ARHGEF10: variants seen among roughly 807,000 people sequenced by gnomAD.
ARHGEF10 encodes the protein Rho guanine nucleotide exchange factor 10.
Under a neutral mutation model 147.4 loss-of-function variants are expected in ARHGEF10, and 140 were observed. That is an observed-to-expected ratio of 0.95 (90% CI 0.83 to 1.09). The LOEUF is 1.09. Ranked by LOEUF, ARHGEF10 falls within the 50% of genes least tolerant of loss-of-function variation. ARHGEF10 has a pLI of 0.00. For synonymous variants in ARHGEF10, 902 were observed against 695.8 expected (o/e 1.30, Z -4.67); for missense variants, 2,222 against 1,752.7 (o/e 1.27, Z -4.78).
upstream of ARHGEF10, among the ~76,000 whole-genome samples, chr8:1,823,749 G>A (rs898766806): frequency 1.3e-5 from 2 of 151,844 alleles, no homozygotes; most frequent in Non-Finnish European, 2.9e-5. Flanking sequence ...TGCGCAGCCT[G>A]GGCCGGGCGT....
At chr8:1,897,303 G>A (rs1411779016) in intron 14 of ARHGEF10, among the ~76,000 whole-genome samples, 1 of 152,242 alleles carries the variant, frequency 6.6e-6, no homozygotes, top group Admixed American at 6.5e-5. Flanking sequence ...CTGGAGCACA[G>A]TCTGTGGCCC....
At chr8:1,842,278 C>T (rs1034948675) in intron 1 of ARHGEF10, among the ~76,000 whole-genome samples, 1 of 152,040 alleles carries the variant, frequency 6.6e-6, no homozygotes, top group African/African-American at 2.4e-5. Flanking sequence ...GTCCCACTGC[C>T]ATCCTCATTG....
chr8:1,862,644 C>G (rs1806226904), intron 4 of ARHGEF10, among the ~76,000 whole-genome samples: 1 of 152,234 alleles, frequency 6.6e-6, no homozygotes, highest in Non-Finnish European at 1.5e-5. Flanking sequence ...CCTGGACACC[C>G]CCGTGGGGGA....
rs889848524 is a variant in ARHGEF10 at position 1,888,848 on chromosome 8, G to T, written c.1182+3141G>T. 2.2e-3 allele frequency among the ~76,000 whole-genome samples: 154 copies of T among 70,216 alleles called. 12 individuals carry two copies. The highest frequency in any genetic ancestry group is 5.3e-3 in the South Asian group (8 of 1,514). The allele number at this position is 70,216 out of a possible 152,430, so 46.1% of individuals were successfully genotyped here. ...ATGAGGAGACACTGAATAGGGTGAG[G>T]TTTGTGAGGAGACACTGAGTGGGGT... On this transcript the variant is annotated intron_variant, in intron 11 of 28. Coordinates refer to ENST00000349830, the MANE Select transcript of ARHGEF10 (RefSeq NM_014629.4).
chr8:1,876,809 A>T, intron 8 of ARHGEF10, 75 bp downstream of exon 8: 1 of 1,497,812 alleles, frequency 6.7e-7, no homozygotes, highest in African/African-American at 1.4e-5. Context: ...TATGATTGTG[A>T]TCCACCTAGT....
intron 18 of ARHGEF10, among the ~76,000 whole-genome samples, chr8:1,911,224 C>T (rs1023339028): frequency 2.0e-5 from 3 of 152,070 alleles, no homozygotes; most frequent in African/African-American, 7.2e-5. Context: ...TGTTATATCT[C>T]CAGTTAAGGG....
At chr8:1,827,463 C>T (rs919372665) in intron 1 of ARHGEF10, among the ~76,000 whole-genome samples, 2 of 152,128 alleles carry the variant, frequency 1.3e-5, no homozygotes, top group African/African-American at 2.4e-5. Flanking sequence ...CACCCACCAC[C>T]GTGCCCGGCT....
chr8:1,876,825 A>C, intron 8 of ARHGEF10, 91 bp downstream of exon 8: 1 of 1,415,922 alleles, frequency 7.1e-7, no homozygotes, highest in Non-Finnish European at 1.0e-6. Context: ...CTAGTACTTC[A>C]TAGTGATTTG....
At chr8:1,890,542 G>C (rs764222655) in intron 11 of ARHGEF10, among the ~76,000 whole-genome samples, 1 of 151,114 alleles carries the variant, frequency 6.6e-6, no homozygotes, top group Non-Finnish European at 1.5e-5. Flanking sequence ...AGGAGACACT[G>C]AGTGGGGTGA....
Position 1,894,079 on chromosome 8 carries a change from C to T in ARHGEF10, c.1261-314C>T, listed in dbSNP as rs367655018. Among the ~76,000 whole-genome samples the T allele has an allele frequency of 2.1e-3, 317 of 150,296 alleles. 1 individual carries two copies. Among genetic ancestry groups the T allele is most frequent in the African/African-American group, 6.8e-3 (279 of 40,808 alleles). On this transcript the variant is annotated intron_variant, in intron 12 of 28. Coordinates refer to ENST00000349830, the MANE Select transcript of ARHGEF10 (RefSeq NM_014629.4). Reference sequence around the variant, plus strand: ...GTCCCAGCTACTCGGGAGGCTGAGGCAGGAGAATTGCTTGAACCCGGGAGG... The same window carrying T: ...GTCCCAGCTACTCGGGAGGCTGAGGTAGGAGAATTGCTTGAACCCGGGAGG...
At chr8:1,942,204 C>T (rs1814151301) in intron 26 of ARHGEF10, among the ~76,000 whole-genome samples, 3 of 149,372 alleles carry the variant, frequency 2.0e-5, no homozygotes, top group Non-Finnish European at 1.5e-5. Context: ...GGAGAAAATA[C>T]GTACAGCTCA....
chr8:1,928,734 C>G, intron 24 of ARHGEF10, 84 bp downstream of exon 24: 1 of 1,485,946 alleles, frequency 6.7e-7, no homozygotes, highest in East Asian at 2.3e-5. Flanking sequence ...GGAAAGAGTC[C>G]TTGACTTTGA....
intron 12 of ARHGEF10, among the ~76,000 whole-genome samples, 195 bp downstream of exon 12, chr8:1,893,841 T>A (rs1291074084): frequency 6.6e-6 from 1 of 152,196 alleles, no homozygotes; most frequent in Non-Finnish European, 1.5e-5. Context: ...ATAAATATAA[T>A]TTATGTAAGT....
intron 15 of ARHGEF10, among the ~76,000 whole-genome samples, chr8:1,901,057 C>A (rs1810411989): frequency 6.6e-6 from 1 of 152,046 alleles, no homozygotes; most frequent in Non-Finnish European, 1.5e-5. Context: ...GGTCCACGTA[C>A]TTTGGAAGAG....
In ARHGEF10 at chr8:1,898,468, C is replaced by T. The variant is rs569453207; in HGVS notation, c.1593C>T (p.Leu531=). The T allele has an allele frequency of 6.2e-7, 1 of 1,614,186 alleles. No homozygotes were observed. The change falls in exon 15 of 29, where the codon CTC becomes CTT. Residue 531 remains leucine (L), a synonymous_variant. Transcript: ENST00000349830. The part of the protein sequence containing the change: ...EQEASPDRTT[L]YSLMMKPIQR... ...AGGCCAGCCCCGATCGAACCACGCT[C>T]TACAGCCTGATGATGAAGCCCATCC...
chr8:1,835,776 A>G (rs1803542687), intron 1 of ARHGEF10, among the ~76,000 whole-genome samples: 1 of 152,176 alleles, frequency 6.6e-6, no homozygotes, highest in South Asian at 2.1e-4. Flanking sequence ...TGCTGTGTGT[A>G]AACACTTATA....
At chr8:1,942,407 A>G (rs1283537954) in intron 26 of ARHGEF10, among the ~76,000 whole-genome samples, 1 of 151,862 alleles carries the variant, frequency 6.6e-6, no homozygotes, top group Non-Finnish European at 1.5e-5. Flanking sequence ...CCACAGTGAG[A>G]CACTGTGTCA....
chr8:1,870,115 G>A (rs902110737), intron 7 of ARHGEF10: 1 of 152,162 alleles, frequency 6.6e-6, no homozygotes, highest in Non-Finnish European at 1.5e-5. Flanking sequence ...AGTGCCGATT[G>A]AGTTTCAGAT....
At chr8:1,918,015 T>A (rs1461613036) in intron 18 of ARHGEF10, among the ~76,000 whole-genome samples, 2 of 152,072 alleles carry the variant, frequency 1.3e-5, no homozygotes, top group Admixed American at 6.6e-5. Flanking sequence ...CTCGAACTCC[T>A]GACCTCAGGT....
Sources: gnomAD v4.1 joint callset for allele counts (sites outside exome capture counted in the v4.1 genomes callset) on GRCh38, gnomAD v4.1.1 for gene constraint, MANE v1.5 for transcripts, NCBI Gene and HGNC (gene_info 2026-07-23, HGNC 2026-07-21) for gene names.